ANKRD11: variants seen among roughly 807,000 people sequenced by gnomAD.
ANKRD11 encodes the protein ankyrin repeat domain 11.
ANKRD11 carries 17 observed loss-of-function variants against 195.7 expected under a neutral mutation model. That is an observed-to-expected ratio of 0.09 (90% CI 0.06 to 0.13). ANKRD11 has a LOEUF of 0.13. ANKRD11 is among the 10% of genes least tolerant of loss of function. The probability of loss-of-function intolerance (pLI) is 1.00; values close to 1 mark genes in which losing one functional copy is unlikely to be tolerated. For missense variants in ANKRD11, 3,735 were observed against 3,566.1 expected (o/e 1.05, Z -1.21); for synonymous variants, 1,953 against 1,528.1 (o/e 1.28, Z -6.49).
At chr16:89,300,582 T>C (rs1418668945) in intron 4 of ANKRD11, 3 of 401,424 alleles carry the variant, frequency 7.5e-6, no homozygotes, top group African/African-American at 6.2e-5. Flanking sequence ...GGGCAAGGTC[T>C]GGCATTCAGA....
chr16:89,436,969 A>G (rs542357492), intron 1 of ANKRD11, among the ~76,000 whole-genome samples: 118 of 152,342 alleles, frequency 7.7e-4, no homozygotes, highest in African/African-American at 2.5e-3. Flanking sequence ...AGGAAACTCA[A>G]AGTAGTTTCC....
intron 2 of ANKRD11, among the ~76,000 whole-genome samples, chr16:89,382,231 G>A (rs925338465): frequency 6.6e-6 from 1 of 152,142 alleles, no homozygotes; most frequent in Non-Finnish European, 1.5e-5. Context: ...CAGGGCAGGA[G>A]TGACCCAAGC....
Position 89,282,673 on chromosome 16 carries a change from T to C in ANKRD11, c.3869A>G (p.His1290Arg), listed in dbSNP as rs764356904. The change falls in exon 9 of 13, where the codon CAT (histidine) becomes CGT (arginine). Residue 1290 changes from histidine (H) to arginine (R), a missense_variant. His to Arg is a conservative substitution (Grantham distance 29, BLOSUM62 0). Transcript: ENST00000301030. Reference protein sequence around the residue: ...LLEKLEEEALHEYREDSNDKI... With the variant: ...LLEKLEEEALREYREDSNDKI... ...ATCGTTGGAGTCTTCTCTGTACTCATGGAGAGCCTCTTCTTCCAACTTTTC... is the reference window on the plus strand; with the variant it reads ...ATCGTTGGAGTCTTCTCTGTACTCACGGAGAGCCTCTTCTTCCAACTTTTC... The C allele has an allele frequency of 5.6e-6, 9 of 1,614,142 alleles. No individual in the cohort carries two copies. The highest frequency in any genetic ancestry group is 1.7e-5 in the Admixed American group (1 of 60,028).
At chr16:89,303,939 C>T (rs1255228963) in intron 4 of ANKRD11, among the ~76,000 whole-genome samples, 1 of 152,234 alleles carries the variant, frequency 6.6e-6, no homozygotes, top group Non-Finnish European at 1.5e-5. Context: ...GCCTCTACGC[C>T]TTGTGCTATG....
At chr16:89,482,858 C>T (rs1392845555) in intron 1 of ANKRD11, among the ~76,000 whole-genome samples, 1 of 152,202 alleles carries the variant, frequency 6.6e-6, no homozygotes, top group African/African-American at 2.4e-5. Flanking sequence ...GAGGAAAGCA[C>T]TACAGGCCGA....
chr16:89,445,956 C>CGAA (rs1170883415), intron 1 of ANKRD11, among the ~76,000 whole-genome samples: 1 of 141,444 alleles, frequency 7.1e-6, no homozygotes, highest in Non-Finnish European at 1.5e-5. Context: ...GCAACAAGAG[C>CGAA]GAAACTCCGT....
At chr16:89,381,354 A>AAAAGGG (rs1555560066) in intron 2 of ANKRD11, among the ~76,000 whole-genome samples, 1 of 125,338 alleles carries the variant, frequency 8.0e-6, no homozygotes, top group African/African-American at 3.3e-5. Context: ...AAAAAAAAAA[A>AAAAGGG]GGGGTGAGAA....
chr16:89,483,539 A>T (rs2057510113), intron 1 of ANKRD11, among the ~76,000 whole-genome samples: 1 of 152,220 alleles, frequency 6.6e-6, no homozygotes, highest in African/African-American at 2.4e-5. Flanking sequence ...CCTGTGAGAA[A>T]ATGTTTAGGC....
At chr16:89,321,162 G>A (rs1490545782) in intron 2 of ANKRD11, 1 of 152,458 alleles carries the variant, frequency 6.6e-6, no homozygotes, top group South Asian at 2.1e-4. Context: ...GAGATGCAGC[G>A]AGCACCAAAG....
At chr16:89,347,350 C>T (rs542942783) in intron 2 of ANKRD11, among the ~76,000 whole-genome samples, 2 of 152,318 alleles carry the variant, frequency 1.3e-5, no homozygotes, top group African/African-American at 2.4e-5. Flanking sequence ...TGGCTCATGC[C>T]TGTAATCCCA....
chr16:89,356,462 A>G (rs1172000102), intron 2 of ANKRD11, among the ~76,000 whole-genome samples: 1 of 152,004 alleles, frequency 6.6e-6, no homozygotes, highest in Non-Finnish European at 1.5e-5. Flanking sequence ...TGCTTGTTCC[A>G]ATGTCAGCTC....
intron 2 of ANKRD11, among the ~76,000 whole-genome samples, chr16:89,357,595 G>A (rs1197487739): frequency 6.6e-6 from 1 of 152,210 alleles, no homozygotes; most frequent in Non-Finnish European, 1.5e-5. Context: ...ACACAGCATG[G>A]TTCCCAACAG....
At chr16:89,396,419 T>C (rs951463496) in intron 2 of ANKRD11, among the ~76,000 whole-genome samples, 1 of 152,200 alleles carries the variant, frequency 6.6e-6, no homozygotes, top group African/African-American at 2.4e-5. Context: ...GAGACTCCCC[T>C]GCTGCTGGAA....
At chr16:89,386,997 G>A (rs894194549) in intron 2 of ANKRD11, among the ~76,000 whole-genome samples, 15 of 151,952 alleles carry the variant, frequency 9.9e-5, no homozygotes, top group African/African-American at 1.5e-4. Context: ...GCCCTGTATC[G>A]ACTGGGTGCT....
Position 89,279,791 on chromosome 16 carries a change from G to A in ANKRD11, c.6751C>T (p.Leu2251=). 1 of 1,536,890 alleles carries A rather than the reference G, an allele frequency of 6.5e-7. No individual in the cohort carries two copies. The highest frequency in any genetic ancestry group is 8.7e-7 in the Non-Finnish European group (1 of 1,145,622). Residue 2251 remains leucine (L), a synonymous_variant, in exon 9 of 13, where the codon CTG becomes TTG. Coordinates refer to ENST00000301030, the MANE Select transcript of ANKRD11 (RefSeq NM_013275.6). The surrounding 1 kb of genome is among the most constrained non-coding windows in gnomAD (Gnocchi z 5.6). ...PAPVPPEQRP[L]GSGDQGAEAE... is the part of the protein sequence containing the mutation. ...TCAGCCCCCTGGTCTCCGCTCCCCA[G>A]TGGGCGCTGTTCTGGGGGAACGGGC...
intron 2 of ANKRD11, among the ~76,000 whole-genome samples, chr16:89,383,744 C>G (rs906591050): frequency 6.6e-6 from 1 of 152,110 alleles, no homozygotes; most frequent in Admixed American, 6.6e-5. Flanking sequence ...TGCACTCGGA[C>G]CAGCAAAGCA....
intron 1 of ANKRD11, among the ~76,000 whole-genome samples, chr16:89,481,553 T>C (rs2057446317): frequency 6.6e-6 from 1 of 152,174 alleles, no homozygotes. Flanking sequence ...CAAGACCTTG[T>C]CTCAAAAAAA....
At chr16:89,381,675 C>T (rs576130214) in intron 2 of ANKRD11, among the ~76,000 whole-genome samples, 3 of 152,306 alleles carry the variant, frequency 2.0e-5, no homozygotes, top group African/African-American at 7.2e-5. Flanking sequence ...AACCCACCTT[C>T]AGAACTCTCA....
At chr16:89,430,236 G>A (rs1401172347) in intron 1 of ANKRD11, among the ~76,000 whole-genome samples, 109 of 62,818 alleles carry the variant, frequency 1.7e-3, no homozygotes, top group South Asian at 2.3e-3. Flanking sequence ...CTCAACTCTC[G>A]CGCTCAGTCG....
Sources: allele counts gnomAD v4.1 joint callset (sites outside exome capture counted in the v4.1 genomes callset), GRCh38; gene constraint gnomAD v4.1.1; non-coding constraint Gnocchi (gnomAD v3.1); transcripts MANE v1.5; gene names NCBI Gene and HGNC (gene_info 2026-07-23, HGNC 2026-07-21).